ITGB5: variants seen among roughly 807,000 people sequenced by gnomAD.
ITGB5 encodes the protein integrin subunit beta 5, also known as integrin beta-5.
ITGB5 carries 38 observed loss-of-function variants against 84.8 expected under a neutral mutation model. The observed-to-expected ratio is 0.45, with a 90% CI of 0.35 to 0.59. The LOEUF is 0.59. Among genes scored for constraint, ITGB5 ranks in the 20% least tolerant of loss-of-function variants. The pLI is 0.01. For missense variants in ITGB5, 905 were observed against 1,034.5 expected, an observed-to-expected ratio of 0.87 and a Z score of 1.72; for synonymous variants, 393 against 414.4, an observed-to-expected ratio of 0.95 and a Z score of 0.63.
At chr3:124,879,863 T>C (rs190233454) in intron 1 of ITGB5, among the ~76,000 whole-genome samples, 154 of 152,342 alleles carry the variant, frequency 1.0e-3, no homozygotes, top group South Asian at 2.3e-3. Context: ...TAATAGGAAC[T>C]ATATAGGCAC....
At chr3:124,887,893 A>G (rs1934903565), upstream of ITGB5, 3 of 253,894 alleles carry the variant, frequency 1.2e-5, no homozygotes, top group East Asian at 1.2e-4. Context: ...TGGAGGCACA[A>G]GTAAAACCTA....
At chr3:124,881,330 G>C (rs1244394419) in intron 1 of ITGB5, among the ~76,000 whole-genome samples, 2 of 152,108 alleles carry the variant, frequency 1.3e-5, no homozygotes, top group South Asian at 2.1e-4. Flanking sequence ...ATCCTGGGGT[G>C]AGAGAAGGGA....
rs34843039 is a variant in ITGB5, at chr3:124,877,137, A to ATTTT, written c.71-3610_71-3607dup. 3.2e-4 allele frequency among the ~76,000 whole-genome samples: 40 copies of ATTTT among 126,722 alleles called. 1 individual carries two copies. Among genetic ancestry groups the ATTTT allele is most frequent in the South Asian group, 5.3e-4 (2 of 3,754 alleles). The allele number at this position is 126,722 out of a possible 152,430, so 83.1% of individuals were successfully genotyped here. A position where few individuals can be genotyped will look rare whatever the true frequency, so the allele number is the denominator to read the frequency against. ...AGGTACACATCACCACACCTGGCTA[A>ATTTT]TTTTTTTTTTTTTTTTTTGTGGTGG... On this transcript the variant is annotated intron_variant, in intron 1 of 14. Coordinates refer to ENST00000296181, the MANE Select transcript of ITGB5 (RefSeq NM_002213.5).
intron 10 of ITGB5, chr3:124,780,650 G>A (rs1238722413): frequency 6.7e-6 from 1 of 149,128 alleles, no homozygotes; most frequent in Non-Finnish European, 1.5e-5. Context: ...CCCACGGTCA[G>A]TGTCTCCTGC....
At chr3:124,842,329 A>C (rs979518611) in intron 4 of ITGB5, among the ~76,000 whole-genome samples, 4 of 152,228 alleles carry the variant, frequency 2.6e-5, no homozygotes, top group African/African-American at 9.6e-5. Context: ...TCTCCTGTGG[A>C]GACTCCAAGT....
intron 13 of ITGB5, among the ~76,000 whole-genome samples, chr3:124,765,872 C>G (rs2063758781): frequency 6.6e-6 from 1 of 152,032 alleles, no homozygotes; most frequent in South Asian, 2.1e-4. Flanking sequence ...GCCTGGGCAA[C>G]ATGGTGAAAA....
At chr3:124,889,520 A>G (rs1934949361), upstream of ITGB5, among the ~76,000 whole-genome samples, 1 of 152,210 alleles carries the variant, frequency 6.6e-6, no homozygotes, top group South Asian at 2.1e-4. Context: ...TAACCTTGGC[A>G]AAATAAACTT....
At chr3:124,858,855 G>C (rs190253178) in intron 3 of ITGB5, among the ~76,000 whole-genome samples, 20 of 152,172 alleles carry the variant, frequency 1.3e-4, no homozygotes, top group African/African-American at 4.3e-4. Flanking sequence ...AAGAGAGAAT[G>C]AGGAGTTAAT....
intron 2 of ITGB5, among the ~76,000 whole-genome samples, chr3:124,872,137 T>C (rs1934086531): frequency 6.6e-6 from 1 of 152,170 alleles, no homozygotes; most frequent in Non-Finnish European, 1.5e-5. Context: ...ATCACAAATA[T>C]GATTAAAGGT....
intron 1 of ITGB5, among the ~76,000 whole-genome samples, chr3:124,884,203 A>C (rs1934700579): frequency 7.1e-6 from 1 of 141,554 alleles, no homozygotes; most frequent in South Asian, 2.3e-4. Flanking sequence ...CAAAGAAGGG[A>C]AGGGAAGCAA....
At chr3:124,819,076 G>A (rs1369485187) in intron 7 of ITGB5, among the ~76,000 whole-genome samples, 1 of 152,204 alleles carries the variant, frequency 6.6e-6, no homozygotes, top group African/African-American at 2.4e-5. Context: ...TTCATGTGGG[G>A]AGTTTTTGAA....
chr3:124,797,441 C>T (rs2064248077), intron 9 of ITGB5, among the ~76,000 whole-genome samples: 2 of 152,174 alleles, frequency 1.3e-5, no homozygotes, highest in African/African-American at 2.4e-5. Flanking sequence ...GCATCTTTCA[C>T]AATCCCCCCA....
At chr3:124,790,531 G>C (rs1419985766) in intron 10 of ITGB5, among the ~76,000 whole-genome samples, 1 of 151,968 alleles carries the variant, frequency 6.6e-6, no homozygotes. Context: ...CCTTTGACTA[G>C]ACATGGTTAA....
At chr3:124,771,981 G>A (rs1414385200) in intron 11 of ITGB5, among the ~76,000 whole-genome samples, 1 of 152,144 alleles carries the variant, frequency 6.6e-6, no homozygotes, top group African/African-American at 2.4e-5. Context: ...TGAGCTCCAT[G>A]TGTATTGTCC....
intron 5 of ITGB5, among the ~76,000 whole-genome samples, chr3:124,823,031 T>C (rs1327310100): frequency 6.6e-6 from 1 of 151,892 alleles, no homozygotes; most frequent in African/African-American, 2.4e-5. Flanking sequence ...GAGGCTGAGG[T>C]GAGAGGACGG....
In ITGB5 at chr3:124,848,360, A is replaced by G. The variant is rs140879513; in HGVS notation, c.560T>C (p.Ile187Thr). The change falls in exon 4 of 15, where the codon ATC becomes ACC. Residue 187 changes from isoleucine (I) to threonine (T), a missense_variant. Physicochemically the swap from Ile to Thr is moderately conservative, Grantham distance 89 (BLOSUM62 -1). This residue lies in a region of ITGB5 where 656 missense variants were observed against 734.7 expected (regional missense o/e 0.89). Transcript: ENST00000296181. ...CGGTGCCGTGTAGGAGAAAGGAGAG[A>G]TGTCCTTATCAACAAAAGACCCAAA... ...LGFGSFVDKD[I>T]SPFSYTAPRY... 226 of 1,614,000 alleles carry G rather than the reference A, an allele frequency of 1.4e-4. No individual in the cohort carries two copies. The highest frequency in any genetic ancestry group is 1.9e-4 in the Non-Finnish European group (220 of 1,180,034).
At position 124,841,435 on chromosome 3, in the gene ITGB5, C is replaced by T. The variant is rs767301389; in HGVS notation, c.728G>A (p.Arg243Gln). ...ATCAAAGCCCCCCTCAGGGGCATCT[C>T]GGTTCCGGGACACCCTCTGTTTCCG... ...EVRKQRVSRNRDAPEGGFDAV... is the reference protein window; with the variant it reads ...EVRKQRVSRNQDAPEGGFDAV... Residue 243 changes from arginine to glutamine, a missense_variant, in exon 5 of 15, where the codon CGA (arginine) becomes CAA (glutamine). By Grantham distance (43) the Arg-to-Gln change is conservative. This residue lies in a region of ITGB5 where 656 missense variants were observed against 734.7 expected (regional missense o/e 0.89). Coordinates refer to ENST00000296181, the MANE Select transcript of ITGB5 (RefSeq NM_002213.5). 12 of 1,614,248 alleles carry T rather than the reference C, an allele frequency of 7.4e-6. No individual in the cohort carries two copies. The highest frequency in any genetic ancestry group is 2.2e-5 in the East Asian group (1 of 44,886).
chr3:124,901,229 T>A (rs987297863), intron 1 of ITGB5: 1 of 152,100 alleles, frequency 6.6e-6, no homozygotes. Context: ...CTGTCTCTAC[T>A]AAAAATACAA....
intron 2 of ITGB5, among the ~76,000 whole-genome samples, chr3:124,867,690 G>A (rs912731949): frequency 2.0e-5 from 3 of 152,204 alleles, no homozygotes; most frequent in African/African-American, 7.2e-5. Flanking sequence ...GTGCTAGTAG[G>A]AAGAATGTGG....
Sources: allele counts gnomAD v4.1 joint callset (sites outside exome capture counted in the v4.1 genomes callset), GRCh38; gene constraint gnomAD v4.1.1; regional missense constraint gnomAD v4.1.1; transcripts MANE v1.5; gene names NCBI Gene and HGNC (gene_info 2026-07-23, HGNC 2026-07-21).